Variants in PARD3 observed in about 807,000 individuals in gnomAD.
The protein encoded by PARD3 is par-3 family cell polarity regulator.
A neutral mutation model predicts 155.4 loss-of-function variants in PARD3; 75 were observed. The ratio of observed to expected loss-of-function variants is 0.48; its 90% CI spans 0.40 to 0.58. PARD3 has a LOEUF of 0.58. Ranked by LOEUF, PARD3 falls within the 20% of genes least tolerant of loss-of-function variation. The pLI, the probability that PARD3 is intolerant of heterozygous loss-of-function variation, is 0.00. For missense variants in PARD3, 1,642 were observed against 1,721.7 expected (o/e 0.95, Z 0.82); for synonymous variants, 576 against 610.5 (o/e 0.94, Z 0.83).
At chr10:34,760,570 G>A (rs1019997830) in intron 1 of PARD3, among the ~76,000 whole-genome samples, 2 of 152,190 alleles carry the variant, frequency 1.3e-5, no homozygotes, top group African/African-American at 2.4e-5. Flanking sequence ...GACCTCAAGT[G>A]ATCTGCCCGC....
At chr10:34,462,083 T>C (rs187290940) in intron 4 of PARD3, among the ~76,000 whole-genome samples, 1 of 152,238 alleles carries the variant, frequency 6.6e-6, no homozygotes, top group African/African-American at 2.4e-5. Flanking sequence ...TCAAATAAGA[T>C]ATTTTAATAT....
intron 24 of PARD3, among the ~76,000 whole-genome samples, chr10:34,114,501 A>AT: frequency 6.6e-6 from 1 of 151,662 alleles, no homozygotes; most frequent in South Asian, 2.1e-4. Flanking sequence ...AAACCACCAC[A>AT]CCTGGCTAAT....
intron 22 of PARD3, among the ~76,000 whole-genome samples, chr10:34,185,072 C>A (rs541430156): frequency 3.7e-4 from 57 of 152,266 alleles, no homozygotes; most frequent in South Asian, 1.0e-3. Flanking sequence ...TGTCAGAGCC[C>A]CATCCCCTGG....
chr10:34,347,283 T>C (rs917308674), intron 15 of PARD3, among the ~76,000 whole-genome samples: 2 of 152,242 alleles, frequency 1.3e-5, no homozygotes, highest in Non-Finnish European at 1.5e-5. Context: ...ACCACTCCTG[T>C]GGCAAAGCAA....
chr10:34,133,070 A>G (rs767295058), intron 22 of PARD3, among the ~76,000 whole-genome samples: 33 of 152,188 alleles, frequency 2.2e-4, no homozygotes, highest in Admixed American at 5.2e-4. Flanking sequence ...CCATCACCCA[A>G]TAAAATCCCC....
At chr10:34,524,578 G>A (rs1398522112) in intron 2 of PARD3, among the ~76,000 whole-genome samples, 4 of 152,112 alleles carry the variant, frequency 2.6e-5, no homozygotes, top group Non-Finnish European at 5.9e-5. Context: ...ATGAAAATAT[G>A]CAAATTCGTA....
intron 20 of PARD3, among the ~76,000 whole-genome samples, chr10:34,287,795 A>G (rs931492950): frequency 2.0e-5 from 3 of 152,118 alleles, no homozygotes; most frequent in East Asian, 3.8e-4. Flanking sequence ...AGGATTGCAT[A>G]TTTTCCCACT....
chr10:34,518,330 A>G (rs1410977008), intron 2 of PARD3, among the ~76,000 whole-genome samples: 1 of 152,236 alleles, frequency 6.6e-6, no homozygotes, highest in East Asian at 1.9e-4. Flanking sequence ...AGTGCCACTG[A>G]GCATGCCTAG....
chr10:34,533,391 T>C (rs1455007020), intron 2 of PARD3, among the ~76,000 whole-genome samples: 2 of 152,096 alleles, frequency 1.3e-5, no homozygotes, highest in African/African-American at 2.4e-5. Context: ...AATATATCCA[T>C]GCAACAAACC....
rs186243129 is a variant in PARD3 at position 34,593,389 on chromosome 10, T to C, written c.223-76230A>G. On this transcript the variant is annotated intron_variant, in intron 2 of 24. Transcript: ENST00000374788. Reference sequence around the variant, plus strand: ...AATTTATACCAGGTGTATAAAGCAATGTATAAGTTCCATGACAGACACAAA... The same window carrying C: ...AATTTATACCAGGTGTATAAAGCAACGTATAAGTTCCATGACAGACACAAA... 5.0e-3 allele frequency among the ~76,000 whole-genome samples: 769 copies of C among 152,316 alleles called. 5 individuals are homozygous for C. Among genetic ancestry groups the C allele is most frequent in the Non-Finnish European group, 8.8e-3 (598 of 68,024 alleles).
At chr10:34,307,053 A>AT (rs10712326) in intron 20 of PARD3, among the ~76,000 whole-genome samples, 13 of 150,864 alleles carry the variant, frequency 8.6e-5, no homozygotes, top group Non-Finnish European at 1.9e-4. Context: ...CGCCCGGCTA[A>AT]TTTTTTTTTT....
At chr10:34,267,237 A>T (rs555491110) in intron 22 of PARD3, among the ~76,000 whole-genome samples, 2 of 152,182 alleles carry the variant, frequency 1.3e-5, no homozygotes, top group East Asian at 3.9e-4. Flanking sequence ...ATGCTGTTTG[A>T]CCTTCTATAA....
At chr10:34,565,569 A>G (rs2085865640) in intron 2 of PARD3, among the ~76,000 whole-genome samples, 1 of 152,026 alleles carries the variant, frequency 6.6e-6, no homozygotes, top group African/African-American at 2.4e-5. Context: ...CCCAGCCGGG[A>G]CACTTTTATC....
At chr10:34,408,701 T>C (rs1844745815) in intron 5 of PARD3, among the ~76,000 whole-genome samples, 1 of 152,064 alleles carries the variant, frequency 6.6e-6, no homozygotes, top group Admixed American at 6.6e-5. Flanking sequence ...AAATGATAAA[T>C]CTATAGCAAC....
intron 22 of PARD3, among the ~76,000 whole-genome samples, chr10:34,234,141 T>C (rs1042601168): frequency 1.5e-4 from 23 of 152,172 alleles, no homozygotes; most frequent in African/African-American, 4.8e-4. Flanking sequence ...ATTTCTGATA[T>C]AACTACTGAT....
At chr10:34,189,107 G>A (rs1468813455) in intron 22 of PARD3, among the ~76,000 whole-genome samples, 2 of 152,158 alleles carry the variant, frequency 1.3e-5, no homozygotes, top group East Asian at 3.9e-4. Context: ...TGAGGTGGGA[G>A]GGTTGCCTGA....
At chr10:34,319,907 A>G (rs1958272630) in intron 19 of PARD3, among the ~76,000 whole-genome samples, 1 of 152,190 alleles carries the variant, frequency 6.6e-6, no homozygotes, top group African/African-American at 2.4e-5. Flanking sequence ...ACCTAGGTCT[A>G]TTGGTATACT....
intron 2 of PARD3, among the ~76,000 whole-genome samples, chr10:34,678,840 T>C (rs2093759940): frequency 2.0e-5 from 3 of 152,052 alleles, no homozygotes; most frequent in Admixed American, 2.0e-4. Context: ...AGGGGTGTTT[T>C]AAGGAAGTTT....
rs1047550263 is a variant in PARD3, at chr10:34,254,190, G to A, written c.3419+15467C>T. On this transcript the variant is annotated intron_variant, in intron 22 of 24. Coordinates refer to ENST00000374788, the MANE Select transcript of PARD3 (RefSeq NM_001184785.2). ...AGATCAGGCGTTCGAGACCAGCCTG[G>A]CCAACATGGCGAAACCCTATCTCTA... is the stretch of plus-strand genomic sequence containing the variant. Among the ~76,000 whole-genome samples, 11 of 152,094 alleles carry A rather than the reference G, an allele frequency of 7.2e-5. No homozygotes were observed. In the South Asian group the frequency reaches 8.3e-4, roughly 11 times the overall value.
Sources: allele counts gnomAD v4.1 joint callset (sites outside exome capture counted in the v4.1 genomes callset), GRCh38; gene constraint gnomAD v4.1.1; transcripts MANE v1.5; gene names NCBI Gene and HGNC (gene_info 2026-07-23, HGNC 2026-07-21).